SREBF2: variants seen among roughly 807,000 people sequenced by gnomAD.
SREBF2 encodes the protein sterol regulatory element-binding protein 2.
A neutral mutation model predicts 113.1 loss-of-function variants in SREBF2; 55 were observed. The ratio of observed to expected loss-of-function variants is 0.49; its 90% CI spans 0.39 to 0.61. SREBF2 has a LOEUF of 0.61. Among genes scored for constraint, SREBF2 ranks in the 20% least tolerant of loss-of-function variants. SREBF2 has a pLI of 0.00. For synonymous variants in SREBF2, 593 were observed against 605.7 expected (o/e 0.98, Z 0.31); for missense variants, 1,349 against 1,487.4 (o/e 0.91, Z 1.53).
chr22:41,880,866 C>T lies in SREBF2; in HGVS notation c.1912C>T (p.Leu638Phe), dbSNP rs150234628. 4.8e-5 allele frequency: 78 copies of T among 1,613,830 alleles called. No individual in the cohort carries two copies. The Middle Eastern group carries it at 4.9e-4, about 10-fold the overall frequency. ...LQKLRLVRWL[L>F]KKVFQCRRAT... The stretch of plus-strand genomic sequence containing the variant: ...GAAGCTACGCCTGGTGCGCTGGCTG[C>T]TCAAGAAAGTCTTCCAGTGCCGGCG... The change falls in exon 10 of 19, where the codon CTC (leucine) becomes TTC (phenylalanine). Residue 638 changes from leucine to phenylalanine, a missense_variant. Leu to Phe is a conservative substitution (Grantham distance 22). Around this residue, in one of 2 missense-constraint regions of SREBF2, gnomAD observed 699 missense variants for 843.3 expected, o/e 0.83. Coordinates refer to ENST00000361204, the MANE Select transcript of SREBF2 (RefSeq NM_004599.4).
chr22:41,851,831 A>G (rs926677854), intron 1 of SREBF2, among the ~76,000 whole-genome samples: 1 of 151,650 alleles, frequency 6.6e-6, no homozygotes, highest in Non-Finnish European at 1.5e-5. Flanking sequence ...TTAAAAAAAA[A>G]ACAAAGCGGC....
At chr22:41,902,055 C>T (rs1248919628) in intron 16 of SREBF2, among the ~76,000 whole-genome samples, 1 of 152,206 alleles carries the variant, frequency 6.6e-6, no homozygotes, top group Non-Finnish European at 1.5e-5. Flanking sequence ...AGCCAGAAAA[C>T]AGTGTAGGCA....
At position 41,833,556 on chromosome 22, in the gene SREBF2, G is replaced by A. The variant is rs1353857897; in HGVS notation, c.88+198G>A. On this transcript the variant is annotated intron_variant, in intron 1 of 18. Transcript: ENST00000361204. The surrounding 1 kb of genome is among the most constrained non-coding windows in gnomAD (Gnocchi z 4.1). ...CCGACCCAGCTGCGCCGCTCCGGGA[G>A]GCCGTGGGATCTGGGGCGCCGCGGG... 2.1e-6 allele frequency: 1 copy of A among 467,300 alleles called. No individual in the cohort carries two copies. Among genetic ancestry groups the A allele is most frequent in the Non-Finnish European group, 3.7e-6 (1 of 272,176 alleles). 28.9% of individuals were successfully genotyped at this position (467,300 alleles called of 1,614,324 possible). A position where few individuals can be genotyped will look rare whatever the true frequency, so the allele number is the denominator to read the frequency against.
intron 9 of SREBF2, among the ~76,000 whole-genome samples, chr22:41,879,140 C>T (rs963628746): frequency 5.3e-5 from 8 of 152,132 alleles, no homozygotes; most frequent in Admixed American, 3.9e-4. Flanking sequence ...GGATTACAGG[C>T]ATGAGCCACC....
chr22:41,879,962 C>A (rs898786851), intron 9 of SREBF2, among the ~76,000 whole-genome samples: 5 of 152,050 alleles, frequency 3.3e-5, no homozygotes, highest in African/African-American at 1.2e-4. Flanking sequence ...GTGGCTCACA[C>A]TGAGGTGGGG....
intron 1 of SREBF2, among the ~76,000 whole-genome samples, chr22:41,858,469 C>T (rs1370629731): frequency 6.6e-6 from 1 of 152,064 alleles, no homozygotes; most frequent in Non-Finnish European, 1.5e-5. Context: ...GTAAAAAACA[C>T]GGAGTGGGCA....
intron 4 of SREBF2, among the ~76,000 whole-genome samples, chr22:41,871,543 G>T (rs922299847): frequency 6.6e-6 from 1 of 152,112 alleles, no homozygotes; most frequent in African/African-American, 2.4e-5. Flanking sequence ...CCATCCACAG[G>T]AAAATAAGCA....
intron 1 of SREBF2, among the ~76,000 whole-genome samples, chr22:41,844,301 T>G (rs2076858120): frequency 6.6e-6 from 1 of 152,168 alleles, no homozygotes; most frequent in Admixed American, 6.5e-5. Context: ...AATGAGGAAC[T>G]GAATGAACTT....
At chr22:41,872,596 TA>T (rs969549824) in intron 4 of SREBF2, among the ~76,000 whole-genome samples, 2 of 152,100 alleles carry the variant, frequency 1.3e-5, no homozygotes, top group African/African-American at 4.8e-5. Flanking sequence ...TTTAAGAAAT[TA>T]AACTAAAATT....
chr22:41,854,591 G>A (rs377648440), intron 1 of SREBF2, among the ~76,000 whole-genome samples: 4 of 151,916 alleles, frequency 2.6e-5, no homozygotes, highest in Admixed American at 2.0e-4. Context: ...TTTAGAATCC[G>A]GGGGTGGTGG....
intron 12 of SREBF2, 41 bp from the exon 13 acceptor site, chr22:41,894,779 A>T (rs2077397263): frequency 6.4e-7 from 1 of 1,560,546 alleles, no homozygotes. Flanking sequence ...TGGGCTCATA[A>T]ATGAGCTCCA....
chr22:41,842,030 C>A (rs1198409850), intron 1 of SREBF2, among the ~76,000 whole-genome samples: 4 of 152,248 alleles, frequency 2.6e-5, no homozygotes, highest in African/African-American at 9.6e-5. Context: ...TCAAGTTCAG[C>A]TGGGTAACAC....
chr22:41,898,346 G>T (rs1253930126), intron 14 of SREBF2, among the ~76,000 whole-genome samples: 1 of 152,174 alleles, frequency 6.6e-6, no homozygotes, highest in Non-Finnish European at 1.5e-5. Context: ...TCAAACTCCT[G>T]ACCTCAGGTG....
rs371174640 is a variant in SREBF2 at position 41,903,033 on chromosome 22, G to T, written c.2971G>T (p.Ala991Ser). The T allele has an allele frequency of 2.5e-6, 4 of 1,609,472 alleles. No individual in the cohort carries two copies. In the East Asian group the frequency reaches 8.9e-5, roughly 36 times the overall value. The change falls in exon 17 of 19, where the codon GCC becomes TCC. Residue 991 changes from alanine (A) to serine (S), a missense_variant. Transcript: ENST00000361204. Reference protein sequence around the residue: ...SLRTALWQKQASASQAVGETY... With the variant: ...SLRTALWQKQSSASQAVGETY... Reference sequence around the variant, plus strand: ...ACGGACAGCGCTCTGGCAAAAACAGGCCAGTGCCAGCCAGGCTGTGGGGGA... The same window carrying T: ...ACGGACAGCGCTCTGGCAAAAACAGTCCAGTGCCAGCCAGGCTGTGGGGGA...
At chr22:41,855,927 T>A (rs987789985) in intron 1 of SREBF2, among the ~76,000 whole-genome samples, 1 of 151,648 alleles carries the variant, frequency 6.6e-6, no homozygotes, top group Non-Finnish European at 1.5e-5. Flanking sequence ...GACCAAGTTT[T>A]TTTATTTTTT....
chr22:41,877,387 A>C lies in SREBF2; in HGVS notation c.1545A>C (p.Ser515=), dbSNP rs1427584751. 2.9e-5 allele frequency: 47 copies of C among 1,614,048 alleles called. No individual in the cohort carries two copies. Among genetic ancestry groups the C allele is most frequent in the Non-Finnish European group, 3.9e-5 (46 of 1,180,040 alleles). Residue 515 remains serine (S), a synonymous_variant, in exon 8 of 19, where the codon TCA becomes TCC. Transcript: ENST00000361204. ...ACGACTCTGACCAGCACCCACACTC[A>C]GGCTCTGGCCGCAGTGTCCTGTCAT... ...GAHDSDQHPH[S]GSGRSVLSFE...
intron 17 of SREBF2, 47 bp from the exon 18 acceptor site, chr22:41,904,791 AGGGAGAGCTACCCTGGGCATAGATG>A: frequency 8.0e-7 from 1 of 1,257,142 alleles, no homozygotes; most frequent in Admixed American, 2.0e-5. Context: ...GAGATGGCTC[AGGGAGAGCTACCCTGGGCATAGATG>A]GGTGGGGACC....
intron 1 of SREBF2, among the ~76,000 whole-genome samples, chr22:41,864,840 C>A (rs951851976): frequency 6.6e-6 from 1 of 152,078 alleles, no homozygotes; most frequent in African/African-American, 2.4e-5. Context: ...GTGGTCCCAG[C>A]TACTCAGGAG....
chr22:41,866,238 T>C lies in SREBF2; in HGVS notation c.89-593T>C, dbSNP rs560605149. On this transcript the variant is annotated intron_variant, in intron 1 of 18. Transcript: ENST00000361204. ...CCATCTAGTACAAAGGTAGTTCCTT[T>C]TATGATCAAAACAATCAGGAAAAAG... 2.7e-4 allele frequency among the ~76,000 whole-genome samples: 41 copies of C among 152,222 alleles called. No homozygotes were observed. In the South Asian group the frequency reaches 6.6e-3, roughly 25 times the overall value.
Sources: allele counts gnomAD v4.1 joint callset (sites outside exome capture counted in the v4.1 genomes callset), GRCh38; gene constraint gnomAD v4.1.1; regional missense constraint gnomAD v4.1.1; non-coding constraint Gnocchi (gnomAD v3.1); transcripts MANE v1.5; gene names NCBI Gene and HGNC (gene_info 2026-07-23, HGNC 2026-07-21).